The following SLC19A3 variants were observed in gnomAD, a reference collection of about 807,000 sequenced individuals.
The protein encoded by SLC19A3 is solute carrier family 19 member 3.
In SLC19A3, 31 loss-of-function variants were observed where a neutral mutation model predicts 40.2. That is an observed-to-expected ratio of 0.77 (90% confidence interval 0.58 to 1.04). SLC19A3 has a LOEUF of 1.04. SLC19A3 is among the 50% of genes least tolerant of loss of function. SLC19A3 has a pLI of 0.00. For missense variants in SLC19A3, 592 were observed against 596.7 expected (o/e 0.99, Z 0.08); for synonymous variants, 212 against 227.5 (o/e 0.93, Z 0.61).
chr2:227,685,471 A>G lies in SLC19A3; in HGVS notation c.*1926T>C, dbSNP rs924372594. ...AACCATTCATGAAGGCTTCACACCC[A>G]TGATCCAGTCGCCTCCCAGCCGGCC... On this transcript the variant is annotated 3_prime_UTR_variant, in exon 6 of 6. Coordinates refer to ENST00000644224, the MANE Select transcript of SLC19A3 (RefSeq NM_025243.4). 1.3e-5 allele frequency: 2 copies of G among 152,344 alleles called. No individual in the cohort carries two copies. The highest frequency in any genetic ancestry group is 2.4e-5 in the African/African-American group (1 of 41,476). 9.4% of individuals were successfully genotyped at this position (152,344 alleles called of 1,614,324 possible).
chr2:227,715,257 C>A (rs1363605401), intron 1 of SLC19A3, among the ~76,000 whole-genome samples: 7 of 146,786 alleles, frequency 4.8e-5, no homozygotes, highest in Non-Finnish European at 1.1e-4. Flanking sequence ...CACACCCCCC[C>A]CAAAAAAAAA....
chr2:227,696,839 G>T (rs1056570220), intron 3 of SLC19A3, among the ~76,000 whole-genome samples: 11 of 152,162 alleles, frequency 7.2e-5, no homozygotes, highest in African/African-American at 2.4e-4. Context: ...GCTGAAGGGG[G>T]TGGATCACTT....
chr2:227,686,316 T>G lies in SLC19A3; in HGVS notation c.*1081A>C. 3.5e-6 allele frequency: 1 copy of G among 289,352 alleles called. No individual in the cohort carries two copies. The highest frequency in any genetic ancestry group is 1.2e-4 in the East Asian group (1 of 8,196). 17.9% of individuals were successfully genotyped at this position (289,352 alleles called of 1,614,324 possible). A position where few individuals can be genotyped will look rare whatever the true frequency, so the allele number is the denominator to read the frequency against. On this transcript the variant is annotated 3_prime_UTR_variant, in exon 6 of 6. Coordinates refer to ENST00000644224, the MANE Select transcript of SLC19A3 (RefSeq NM_025243.4). ...CTATTTTAGACAGACACCACACAGG[T>G]GCTCTTTTTTGGGAGGAGGGGGATG... is the stretch of plus-strand genomic sequence containing the variant.
At chr2:227,706,358 G>T in intron 1 of SLC19A3, 1 of 1,231,602 alleles carries the variant, frequency 8.1e-7, no homozygotes, top group South Asian at 4.1e-5. Flanking sequence ...TTTTCTGTGT[G>T]TTCCAAATCA....
At chr2:227,702,670 C>A in intron 1 of SLC19A3, 2 of 273,118 alleles carry the variant, frequency 7.3e-6, no homozygotes, top group Non-Finnish European at 1.4e-5. Context: ...ACATAAAGCC[C>A]AATAGAGGAT....
chr2:227,704,972 C>G (rs1695871084), intron 1 of SLC19A3, among the ~76,000 whole-genome samples: 1 of 151,680 alleles, frequency 6.6e-6, no homozygotes, highest in Non-Finnish European at 1.5e-5. Flanking sequence ...CCTCCGCTTC[C>G]TGGGTTCAAG....
chr2:227,695,608 A>G lies in SLC19A3; in HGVS notation c.1172+281T>C, dbSNP rs1016474063. 7 of 391,926 alleles carry G rather than the reference A, an allele frequency of 1.8e-5. No homozygotes were observed. The Admixed American group carries it at 1.9e-4, about 11-fold the overall frequency. 24.3% of individuals were successfully genotyped at this position (391,926 alleles called of 1,614,324 possible). Reference sequence around the variant, plus strand: ...GGGCAAGAGAGCCAGGCCATCTCTCAAACAAAATAAAACAAAAAGAAAAAC... The same window carrying G: ...GGGCAAGAGAGCCAGGCCATCTCTCGAACAAAATAAAACAAAAAGAAAAAC... On this transcript the variant is annotated intron_variant, in intron 4 of 5. Coordinates refer to ENST00000644224, the MANE Select transcript of SLC19A3 (RefSeq NM_025243.4).
chr2:227,706,635 G>T, intron 1 of SLC19A3: 1 of 231,050 alleles, frequency 4.3e-6, no homozygotes, highest in Non-Finnish European at 7.8e-6. Context: ...GTCGGTTGCG[G>T]TGGTGGGTGC....
intron 3 of SLC19A3, among the ~76,000 whole-genome samples, chr2:227,696,306 T>C (rs1479047993): frequency 6.6e-6 from 1 of 152,216 alleles, no homozygotes; most frequent in Non-Finnish European, 1.5e-5. Flanking sequence ...GTCACCATAC[T>C]TTTAATTAGC....
intron 3 of SLC19A3, among the ~76,000 whole-genome samples, chr2:227,696,663 G>A (rs1473751880): frequency 6.6e-6 from 1 of 152,130 alleles, no homozygotes; most frequent in Non-Finnish European, 1.5e-5. Context: ...TAATTTACTT[G>A]AGAAGCTTTG....
intron 1 of SLC19A3, among the ~76,000 whole-genome samples, chr2:227,707,633 A>G (rs1695996723): frequency 6.6e-6 from 1 of 151,802 alleles, no homozygotes; most frequent in African/African-American, 2.4e-5. Flanking sequence ...AATTTAAAAA[A>G]TAATGGAAAT....
At chr2:227,709,520 T>C (rs973950987) in intron 1 of SLC19A3, among the ~76,000 whole-genome samples, 7 of 152,078 alleles carry the variant, frequency 4.6e-5, no homozygotes, top group African/African-American at 1.7e-4. Flanking sequence ...AAAGCTGGCA[T>C]GCACTGGTGG....
At chr2:227,710,091 T>C (rs920175695) in intron 1 of SLC19A3, among the ~76,000 whole-genome samples, 1 of 152,076 alleles carries the variant, frequency 6.6e-6, no homozygotes, top group Non-Finnish European at 1.5e-5. Flanking sequence ...CCGCCACTGA[T>C]CTGACGGGAG....
intron 4 of SLC19A3, among the ~76,000 whole-genome samples, chr2:227,694,199 G>T (rs1282023595): frequency 1.3e-5 from 2 of 152,112 alleles, no homozygotes; most frequent in Non-Finnish European, 2.9e-5. Flanking sequence ...TAGATACGGG[G>T]TTTAATCATA....
chr2:227,708,934 C>T (rs546234844), intron 1 of SLC19A3, among the ~76,000 whole-genome samples: 78 of 152,194 alleles, frequency 5.1e-4, no homozygotes, highest in Non-Finnish European at 5.7e-4. Context: ...AGTCACTGTG[C>T]GGATTAAGAC....
chr2:227,692,290 T>C (rs138666149), intron 4 of SLC19A3, among the ~76,000 whole-genome samples: 24 of 152,306 alleles, frequency 1.6e-4, no homozygotes, highest in Middle Eastern at 6.8e-3. Flanking sequence ...TGAATATTGA[T>C]GCAAAAATTC....
chr2:227,709,806 T>C (rs1696077998), intron 1 of SLC19A3, among the ~76,000 whole-genome samples: 1 of 152,182 alleles, frequency 6.6e-6, no homozygotes, highest in African/African-American at 2.4e-5. Context: ...TCGTCCATGT[T>C]GTACTGACAA....
At chr2:227,712,050 C>CAAA (rs397988111) in intron 1 of SLC19A3, among the ~76,000 whole-genome samples, 42 of 65,486 alleles carry the variant, frequency 6.4e-4, no homozygotes, top group African/African-American at 2.5e-3. Context: ...ACTCTGTCTC[C>CAAA]AAAAAAAAAA....
At chr2:227,700,873 G>A (rs910778923) in intron 2 of SLC19A3, 1 of 1,246,170 alleles carries the variant, frequency 8.0e-7, no homozygotes, top group African/African-American at 1.5e-5. Flanking sequence ...TGTAGGGATG[G>A]GTGAGTGCCG....
Sources: allele counts gnomAD v4.1 joint callset (sites outside exome capture counted in the v4.1 genomes callset), GRCh38; gene constraint gnomAD v4.1.1; transcripts MANE v1.5; gene names NCBI Gene and HGNC (gene_info 2026-07-23, HGNC 2026-07-21).